Variants in MAD2L2 observed in about 807,000 individuals in gnomAD.
The protein encoded by MAD2L2 is mitotic spindle assembly checkpoint protein MAD2B.
MAD2L2 carries 17 observed loss-of-function variants against 30.5 expected under a neutral mutation model. That is an observed-to-expected ratio of 0.56 (90% CI 0.38 to 0.84). MAD2L2 has a LOEUF of 0.84. Among genes scored for constraint, MAD2L2 ranks in the 40% least tolerant of loss-of-function variants. MAD2L2 has a pLI of 0.00. For missense variants in MAD2L2, 213 were observed against 277.4 expected (o/e 0.77, Z 1.65); for synonymous variants, 101 against 113.9 (o/e 0.89, Z 0.72).
At chr1:11,677,381 G>GT in intron 4 of MAD2L2, 162 bp downstream of exon 4, 3 of 709,936 alleles carry the variant, frequency 4.2e-6, no homozygotes, top group Non-Finnish European at 7.1e-6. Context: ...CTGCCCCTGG[G>GT]TTGGGATGGT....
intron 5 of MAD2L2, 53 bp downstream of exon 5, chr1:11,676,795 T>A: frequency 7.0e-7 from 1 of 1,432,210 alleles, no homozygotes. Flanking sequence ...GTGGGTGTGT[T>A]GCCAGAGACA....
intron 1 of MAD2L2, among the ~76,000 whole-genome samples, chr1:11,686,807 TAAAAAAA>T (rs560855200): frequency 9.6e-6 from 1 of 104,500 alleles, no homozygotes; most frequent in Non-Finnish European, 1.9e-5. Context: ...ACTGCCACTT[TAAAAAAA>T]AAAAAAAAAA....
At chr1:11,678,309 G>C (rs1640807012) in intron 3 of MAD2L2, among the ~76,000 whole-genome samples, 1 of 151,990 alleles carries the variant, frequency 6.6e-6, no homozygotes, top group African/African-American at 2.4e-5. Flanking sequence ...TACTTGGGAG[G>C]CTGAGGCAGG....
chr1:11,685,546 C>T (rs1259229502), upstream of MAD2L2, among the ~76,000 whole-genome samples: 1 of 152,170 alleles, frequency 6.6e-6, no homozygotes, highest in Admixed American at 6.5e-5. Flanking sequence ...GCTGCGAGGC[C>T]CTTCTTTCTC....
Position 11,686,807 on chromosome 1 carries a change from TAAA to T in MAD2L2, c.-692+4603_-692+4605del, listed in dbSNP as rs560855200. Among the ~76,000 whole-genome samples the T allele has an allele frequency of 4.5e-3, 465 of 104,486 alleles. 2 individuals carry two copies. The highest frequency in any genetic ancestry group is 0.015 in the African/African-American group (431 of 29,582). The allele number at this position is 104,486 out of a possible 152,430, so 68.5% of individuals were successfully genotyped here. ...TTTTGATCCAGCTCAACTGCCACTT[TAAA>T]AAAAAAAAAAAAAAAAAAAAACTTC... On this transcript the variant is annotated intron_variant, in intron 1 of 10. Coordinates refer to the MAD2L2 transcript ENST00000235310.
At chr1:11,675,838 G>A in intron 6 of MAD2L2, 107 bp from the exon 7 acceptor site, 1 of 1,023,072 alleles carries the variant, frequency 9.8e-7, no homozygotes. Context: ...CCCCAGAGCA[G>A]ATGGCAAAGC....
In MAD2L2 at chr1:11,690,563, G is replaced by A. The variant is rs1641041561; in HGVS notation, c.-692+850C>T. Reference sequence around the variant, plus strand: ...GAGGAACACAGACATTTAGCCTGACGGCAGAACTGTGTTCTAAAACCTCAA... The same window carrying A: ...GAGGAACACAGACATTTAGCCTGACAGCAGAACTGTGTTCTAAAACCTCAA... On this transcript the variant is annotated intron_variant, in intron 1 of 10. Coordinates refer to the MAD2L2 transcript ENST00000235310. This position sits in a 1 kb window ranked among gnomAD's most constrained non-coding sequence, Gnocchi z 4.2. 1.3e-5 allele frequency among the ~76,000 whole-genome samples: 2 copies of A among 152,200 alleles called. No homozygotes were observed. The highest frequency in any genetic ancestry group is 6.5e-5 in the Admixed American group (1 of 15,280).
Position 11,688,139 on chromosome 1 carries a change from A to G in MAD2L2, c.-692+3274T>C, listed in dbSNP as rs914598934. On this transcript the variant is annotated intron_variant, in intron 1 of 10. Coordinates refer to the MAD2L2 transcript ENST00000235310. The surrounding 1 kb of genome is among the most constrained non-coding windows in gnomAD (Gnocchi z 4.6). ...CCACAGCTCTATCCTTGGCGACGCAAATCATGCTGGCTGCACACTGCCCCC... is the reference window on the plus strand; with the variant it reads ...CCACAGCTCTATCCTTGGCGACGCAGATCATGCTGGCTGCACACTGCCCCC... Among the ~76,000 whole-genome samples the G allele has an allele frequency of 6.6e-6, 1 of 152,116 alleles. No individual in the cohort carries two copies. Among genetic ancestry groups the G allele is most frequent in the Non-Finnish European group, 1.5e-5 (1 of 68,016 alleles).
chr1:11,684,202 A>G (rs908292636), upstream of MAD2L2, among the ~76,000 whole-genome samples: 1 of 152,110 alleles, frequency 6.6e-6, no homozygotes, highest in Non-Finnish European at 1.5e-5. Context: ...CCGAGTCAGC[A>G]TGGGCCCATC....
upstream of MAD2L2, among the ~76,000 whole-genome samples, chr1:11,682,953 C>T (rs1426643159): frequency 6.6e-6 from 1 of 152,202 alleles, no homozygotes; most frequent in African/African-American, 2.4e-5. Flanking sequence ...CTGGCTTATA[C>T]ACAGAGTTCC....
chr1:11,675,666 C>G lies in MAD2L2; in HGVS notation c.493G>C (p.Val165Leu). The G allele has an allele frequency of 6.2e-7, 1 of 1,614,088 alleles. No homozygotes were observed. The highest frequency in any genetic ancestry group is 8.5e-7 in the Non-Finnish European group (1 of 1,179,946). The part of the protein sequence containing the change: ...AATRNMEKIQ[V>L]IKDFPWILAD... ...GACCCATCTCATCTCACCTTGATGA[C>G]CTGGATCTTCTCCATGTTGCGAGTG... The change falls in exon 7 of 9, where the codon GTC (valine) becomes CTC (leucine). Residue 165 changes from valine to leucine, a missense_variant. Coordinates refer to ENST00000376692, the MANE Select transcript of MAD2L2 (RefSeq NM_006341.4).
At chr1:11,682,438 C>T (rs930051661), upstream of MAD2L2, among the ~76,000 whole-genome samples, 1 of 150,714 alleles carries the variant, frequency 6.6e-6, no homozygotes, top group Non-Finnish European at 1.5e-5. Flanking sequence ...TTATAGAAGA[C>T]CTGGATCCCT....
upstream of MAD2L2, chr1:11,681,827 C>A (rs1244532697): frequency 6.6e-6 from 1 of 152,166 alleles, no homozygotes. Flanking sequence ...GAGGCAGTTA[C>A]TGTGACTGTT....
intron 8 of MAD2L2, 26 bp downstream of exon 8, chr1:11,675,056 G>C: frequency 1.3e-6 from 2 of 1,548,176 alleles, no homozygotes; most frequent in Non-Finnish European, 8.8e-7. Context: ...CCTAAATAAA[G>C]CTTCCCGGGT....
chr1:11,689,150 A>G (rs1641015202), intron 1 of MAD2L2, among the ~76,000 whole-genome samples: 1 of 152,072 alleles, frequency 6.6e-6, no homozygotes, highest in Non-Finnish European at 1.5e-5. Flanking sequence ...ACAAAAAATT[A>G]GCTGAGCATG....
At position 11,677,632 on chromosome 1, in the gene MAD2L2, C is replaced by A. The variant is rs766344284; in HGVS notation, c.160-18G>T. Reference sequence around the variant, plus strand: ...CAGGACATCTGCACACAATACCATGCGGCTCGTGAGGCCCAAAGCACAGAT... The same window carrying A: ...CAGGACATCTGCACACAATACCATGAGGCTCGTGAGGCCCAAAGCACAGAT... On this transcript the variant is annotated intron_variant, in intron 3 of 8. Coordinates refer to ENST00000376692, the MANE Select transcript of MAD2L2 (RefSeq NM_006341.4). 25 of 1,607,294 alleles carry A rather than the reference C, an allele frequency of 1.6e-5. No homozygotes were observed. In the South Asian group the frequency reaches 2.3e-4, roughly 15 times the overall value.
Position 11,674,677 on chromosome 1 carries a change from A to T in MAD2L2, c.*98T>A. The T allele has an allele frequency of 7.7e-7, 1 of 1,303,108 alleles. No individual in the cohort carries two copies. The highest frequency in any genetic ancestry group is 1.1e-6 in the Non-Finnish European group (1 of 907,820). The allele number at this position is 1,303,108 out of a possible 1,614,324, so 80.7% of individuals were successfully genotyped here. On this transcript the variant is annotated 3_prime_UTR_variant, in exon 9 of 9. Coordinates refer to ENST00000376692, the MANE Select transcript of MAD2L2 (RefSeq NM_006341.4). The surrounding 1 kb of genome is among the most constrained non-coding windows in gnomAD (Gnocchi z 6.1). The stretch of plus-strand genomic sequence containing the variant: ...CGGGCGATCCACACACAGAGGCGAT[A>T]AGAGCACTTGGAATCAGGGCAGCCA...
intron 7 of MAD2L2, 63 bp from the exon 8 acceptor site, chr1:11,675,237 T>C (rs1640740893): frequency 2.6e-6 from 3 of 1,172,448 alleles, no homozygotes; most frequent in Non-Finnish European, 3.6e-6. Context: ...CTCACTTTGC[T>C]GTCCCTCCCA....
At chr1:11,680,107 T>C (rs1488239918) in intron 3 of MAD2L2, among the ~76,000 whole-genome samples, 1 of 146,876 alleles carries the variant, frequency 6.8e-6, no homozygotes, top group Non-Finnish European at 1.5e-5. Context: ...GGGATTCTCC[T>C]GCCTCAGCCT....
Sources: gnomAD v4.1 joint callset for allele counts (sites outside exome capture counted in the v4.1 genomes callset) on GRCh38, gnomAD v4.1.1 for gene constraint, Gnocchi (gnomAD v3.1) non-coding constraint, MANE v1.5 for transcripts, NCBI Gene and HGNC (gene_info 2026-07-23, HGNC 2026-07-21) for gene names.